Variants in SYNRG observed in about 807,000 individuals in gnomAD.
SYNRG encodes AP1 gamma subunit binding protein 1.
SYNRG carries 37 observed loss-of-function variants against 130.9 expected under a neutral mutation model. That is an observed-to-expected ratio of 0.28 (90% CI 0.22 to 0.37). The LOEUF (loss-of-function observed/expected upper bound fraction) is 0.37, where lower values mean the gene tolerates loss of function less well. Among genes scored for constraint, SYNRG ranks in the 10% least tolerant of loss-of-function variants. SYNRG has a pLI of 1.00. For missense variants in SYNRG, 1,338 were observed against 1,588.9 expected, an observed-to-expected ratio of 0.84 and a Z score of 2.68; for synonymous variants, 539 against 568.1, an observed-to-expected ratio of 0.95 and a Z score of 0.73.
chr17:37,554,003 T>A lies in SYNRG; in HGVS notation c.1720A>T (p.Lys574Ter). ...AGTDDGFTDF[K>*]TADSVSPLEP... ...AGTGGTGATACACTATCGGCTGTTT[T>A]AAAATCGGTGAAACCATCATCAGTT... Residue 574 changes from lysine (K) to a stop codon, truncating the protein, a stop_gained, in exon 14 of 22, where the codon AAA becomes TAA. Coordinates refer to ENST00000612223, the MANE Select transcript of SYNRG (RefSeq NM_007247.6). LOFTEE classifies it high-confidence loss of function. 6.2e-7 allele frequency: 1 copy of A among 1,607,680 alleles called. No individual in the cohort carries two copies. The highest frequency in any genetic ancestry group is 8.5e-7 in the Non-Finnish European group (1 of 1,178,676).
Position 37,520,810 on chromosome 17 carries a change from C to T in SYNRG, c.3667-162G>A, listed in dbSNP as rs145780096. Among the ~76,000 whole-genome samples the T allele has an allele frequency of 4.0e-3, 607 of 152,266 alleles. 1 individual carries two copies. The highest frequency in any genetic ancestry group is 6.9e-3 in the Non-Finnish European group (466 of 68,018). ...CCACACATCCACTGGGAACCTGCCA[C>T]GGTTCCAGGTGCTAGGAAGGCCGGC... On this transcript the variant is annotated intron_variant, in intron 19 of 21. Coordinates refer to ENST00000612223, the MANE Select transcript of SYNRG (RefSeq NM_007247.6).
chr17:37,600,026 G>A (rs2063128593), intron 2 of SYNRG, among the ~76,000 whole-genome samples: 1 of 152,150 alleles, frequency 6.6e-6, no homozygotes, highest in Non-Finnish European at 1.5e-5. Context: ...GAAGGAGAAA[G>A]ACATCATTAA....
chr17:37,551,560 G>T (rs1257032221), intron 14 of SYNRG, among the ~76,000 whole-genome samples: 2 of 151,620 alleles, frequency 1.3e-5, no homozygotes, highest in African/African-American at 4.8e-5. Flanking sequence ...CAAATAAAAT[G>T]GGGGAAAAAA....
At chr17:37,520,107 G>A (rs2054806654) in intron 21 of SYNRG, 72 bp downstream of exon 21, 8 of 1,515,640 alleles carry the variant, frequency 5.3e-6, no homozygotes, top group Non-Finnish European at 7.3e-6. Context: ...GCAATGGATA[G>A]AATCATCCAA....
At chr17:37,544,702 C>T (rs1373669862) in intron 14 of SYNRG, among the ~76,000 whole-genome samples, 1 of 152,038 alleles carries the variant, frequency 6.6e-6, no homozygotes, top group Non-Finnish European at 1.5e-5. Flanking sequence ...TTTTTGTTTT[C>T]GTTTTTTTCC....
At chr17:37,559,691 A>G (rs2059382679) in intron 13 of SYNRG, among the ~76,000 whole-genome samples, 1 of 149,288 alleles carries the variant, frequency 6.7e-6, no homozygotes, top group East Asian at 1.9e-4. Context: ...ACTCTGTTTC[A>G]AAAAAAAAAG....
chr17:37,560,789 C>T (rs1242424541), intron 13 of SYNRG, among the ~76,000 whole-genome samples: 3 of 151,700 alleles, frequency 2.0e-5, no homozygotes, highest in Admixed American at 6.6e-5. Context: ...CTCAGCCTCC[C>T]GAGTACCCGG....
chr17:37,540,937 G>A (rs1309878020), intron 15 of SYNRG: 14 of 994,186 alleles, frequency 1.4e-5, no homozygotes, highest in Admixed American at 1.2e-4. Flanking sequence ...CCCAGCCCAC[G>A]ACCCTCTTCT....
intron 8 of SYNRG, 39 bp from the exon 9 acceptor site, chr17:37,572,026 T>A (rs371786345): frequency 7.2e-6 from 11 of 1,533,666 alleles, no homozygotes; most frequent in Non-Finnish European, 9.8e-6. Context: ...GGAAACACAT[T>A]CCAAGTGATT....
chr17:37,595,308 G>A (rs80027550), intron 3 of SYNRG, among the ~76,000 whole-genome samples: 2,000 of 152,286 alleles, frequency 0.013, 16 homozygotes, highest in Non-Finnish European at 0.019. Flanking sequence ...TTATATACAT[G>A]TGTTACTGTA....
rs78172303 is a variant in SYNRG, at chr17:37,579,841, G to C, written c.590-2228C>G. Reference sequence around the variant, plus strand: ...TCCTTCAGCCTCAGCCTCCTGAGTAGCTAGGAATATAGGCACATGCCAGCA... The same window carrying C: ...TCCTTCAGCCTCAGCCTCCTGAGTACCTAGGAATATAGGCACATGCCAGCA... On this transcript the variant is annotated intron_variant, in intron 6 of 21. Transcript: ENST00000612223. Among the ~76,000 whole-genome samples the C allele has an allele frequency of 3.4e-3, 519 of 152,124 alleles. 3 individuals carry two copies. The highest frequency in any genetic ancestry group is 4.6e-3 in the Non-Finnish European group (315 of 68,004).
chr17:37,556,202 C>A (rs2059108879), intron 13 of SYNRG, among the ~76,000 whole-genome samples: 1 of 152,106 alleles, frequency 6.6e-6, no homozygotes, highest in Admixed American at 6.5e-5. Context: ...GTAATCCCTG[C>A]ACTTTGGAAG....
rs752488021 is a variant in SYNRG, at chr17:37,542,446, G to A, written c.2728C>T (p.Pro910Ser). The A allele has an allele frequency of 6.2e-7, 1 of 1,614,140 alleles. No individual in the cohort carries two copies. Among genetic ancestry groups the A allele is most frequent in the East Asian group, 2.2e-5 (1 of 44,878 alleles). ...CCACTTCCTGCTGAGAGGACAAATG[G>A]AGAGAGTTTTCTGCCCTGAGTTGCA... ...DDATQGRKLS[P>S]FVLSAGSGSP... Residue 910 changes from proline (P) to serine (S), a missense_variant, in exon 15 of 22, where the codon CCA (proline) becomes TCA (serine). This residue lies in a region of SYNRG where 1,146 missense variants were observed against 1,342.3 expected (regional missense o/e 0.85). Coordinates refer to ENST00000612223, the MANE Select transcript of SYNRG (RefSeq NM_007247.6).
chr17:37,582,812 G>C (rs2061430430), intron 6 of SYNRG, among the ~76,000 whole-genome samples: 2 of 152,118 alleles, frequency 1.3e-5, no homozygotes, highest in African/African-American at 4.8e-5. Flanking sequence ...AGTGAACTGT[G>C]ATCATGTCAC....
intron 19 of SYNRG, chr17:37,529,788 C>A: frequency 6.4e-7 from 1 of 1,551,456 alleles, no homozygotes. Context: ...GATACCTTTT[C>A]TTCTAAGAGC....
At chr17:37,570,985 GTTTCCACTCCA>G in intron 9 of SYNRG, 100 bp from the exon 10 acceptor site, 1 of 1,414,904 alleles carries the variant, frequency 7.1e-7, no homozygotes, top group Non-Finnish European at 9.5e-7. Flanking sequence ...GCCTTTGCAT[GTTTCCACTCCA>G]ACTCTCAAAA....
chr17:37,598,205 G>A (rs1665150582), intron 2 of SYNRG, among the ~76,000 whole-genome samples: 1 of 152,138 alleles, frequency 6.6e-6, no homozygotes, highest in African/African-American at 2.4e-5. Flanking sequence ...AAGAGCTAGG[G>A]CAAAAAATAA....
chr17:37,535,260 A>T (rs1167934612), intron 19 of SYNRG, among the ~76,000 whole-genome samples: 3 of 152,078 alleles, frequency 2.0e-5, no homozygotes, highest in African/African-American at 7.3e-5. Flanking sequence ...GCCTCTCATG[A>T]AATTAAAAAA....
intron 14 of SYNRG, among the ~76,000 whole-genome samples, chr17:37,551,374 T>G (rs770692247): frequency 2.0e-5 from 3 of 152,190 alleles, no homozygotes; most frequent in Non-Finnish European, 4.4e-5. Context: ...GACAGGAGGT[T>G]TACAGATCAA....
Sources: gnomAD v4.1 joint callset for allele counts (sites outside exome capture counted in the v4.1 genomes callset) on GRCh38, gnomAD v4.1.1 for gene constraint, gnomAD v4.1.1 regional missense constraint, MANE v1.5 for transcripts, NCBI Gene and HGNC (gene_info 2026-07-23, HGNC 2026-07-21) for gene names.